The following MYH16 variants were observed in gnomAD, a reference collection of about 807,000 sequenced individuals.
MYH16 encodes the protein putative uncharacterized protein MYH16.
chr7:99,254,762 C>A (rs1035286641), intron 8 of MYH16, among the ~76,000 whole-genome samples: 1 of 152,240 alleles, frequency 6.6e-6, no homozygotes, highest in East Asian at 1.9e-4. Flanking sequence ...CATTCCCCAC[C>A]CACAGGTGGG....
chr7:99,243,773 TCATCCATCTATCCATTCATTCATCCATC>T (rs1456089352), intron 2 of MYH16, among the ~76,000 whole-genome samples: 1 of 150,354 alleles, frequency 6.7e-6, no homozygotes, highest in African/African-American at 2.5e-5. Context: ...ATCTATCCAT[TCATCCATCTATCCATTCATTCATCCATC>T]CATCCATCCA....
intron 33 of MYH16, among the ~76,000 whole-genome samples, 173 bp downstream of exon 14, chr7:99,294,323 C>T (rs192699461): frequency 1.3e-5 from 2 of 151,668 alleles, no homozygotes; most frequent in African/African-American, 2.4e-5. Context: ...TGCTTGAGCA[C>T]GTGTTCATGA....
rs1021598787 is a variant in MYH16 at position 99,246,937 on chromosome 7, T to G, written n.355-657T>G. On this transcript the variant is annotated intron_variant and non_coding_transcript_variant, in intron 2 of 41. Coordinates refer to ENST00000439784, the Ensembl canonical transcript of MYH16. ...CAAAAGCAATACACATTCAATGCAC[T>G]CCTCGATTTATGATCAAACCCATCG... 3.9e-5 allele frequency among the ~76,000 whole-genome samples: 6 copies of G among 152,122 alleles called. No individual in the cohort carries two copies. In the South Asian group the frequency reaches 1.2e-3, roughly 32 times the overall value.
intron 19 of MYH16, among the ~76,000 whole-genome samples, 82 bp from the exon 1 acceptor site, chr7:99,272,757 A>G (rs1477010640): frequency 6.6e-6 from 1 of 152,090 alleles, no homozygotes; most frequent in Non-Finnish European, 1.5e-5. Flanking sequence ...AAAAAAAAAA[A>G]AGGTAGGTCC....
chr7:99,309,002 C>T (rs1050550025), downstream of MYH16, among the ~76,000 whole-genome samples: 13 of 152,160 alleles, frequency 8.5e-5, no homozygotes, highest in African/African-American at 3.1e-4. Context: ...TTCTACCCTA[C>T]AAGGTAGGTA....
chr7:99,298,105 T>C (rs1792530427), intron 36 of MYH16, 110 bp downstream of exon 17: 2 of 391,452 alleles, frequency 5.1e-6, no homozygotes, highest in African/African-American at 2.1e-5. Flanking sequence ...GCAATTCAGG[T>C]GAACCTTGCT....
chr7:99,305,457 G>C (rs1194514094), intron 40 of MYH16: 2 of 152,196 alleles, frequency 1.3e-5, no homozygotes, highest in South Asian at 2.1e-4. Context: ...CCATCATTTT[G>C]TCTGACTCCC....
intron 36 of MYH16, among the ~76,000 whole-genome samples, chr7:99,298,969 G>A (rs188866657): frequency 4.8e-4 from 73 of 151,954 alleles, no homozygotes; most frequent in Middle Eastern, 3.4e-3. Flanking sequence ...GCTCACGCCT[G>A]TAATCCTAGC....
At chr7:99,247,330 G>A (rs963167955) in intron 2 of MYH16, among the ~76,000 whole-genome samples, 19 of 152,232 alleles carry the variant, frequency 1.2e-4, no homozygotes, top group East Asian at 1.9e-4. Flanking sequence ...GCACCACCAC[G>A]CCCAGCTAAT....
In MYH16 at chr7:99,280,621, C is replaced by T. The variant is rs749581249; in HGVS notation, n.2888-255C>T. The stretch of plus-strand genomic sequence containing the variant: ...GGATACAGTCAGGTGCAGACTCTGG[C>T]GAGTCTGGTGGAGCCCAAGGGTCTG... On this transcript the variant is annotated intron_variant and non_coding_transcript_variant, in intron 22 of 41. Transcript: ENST00000439784. 4.6e-5 allele frequency among the ~76,000 whole-genome samples: 7 copies of T among 152,176 alleles called. 1 individual carries two copies. The highest frequency in any genetic ancestry group is 1.3e-4 in the Admixed American group (2 of 15,274).
chr7:99,268,322 C>T (rs183665480), intron 18 of MYH16, among the ~76,000 whole-genome samples: 2 of 152,342 alleles, frequency 1.3e-5, no homozygotes, highest in Admixed American at 6.5e-5. Flanking sequence ...TCCCTACCCA[C>T]CCTTGACAGA....
At chr7:99,268,746 A>C (rs990119903) in intron 18 of MYH16, among the ~76,000 whole-genome samples, 1 of 152,150 alleles carries the variant, frequency 6.6e-6, no homozygotes, top group Non-Finnish European at 1.5e-5. Flanking sequence ...CCTCAACGCC[A>C]ATTAATTTTG....
intron 19 of MYH16, among the ~76,000 whole-genome samples, chr7:99,272,917 C>T (rs978980808): frequency 2.0e-5 from 3 of 152,174 alleles, no homozygotes; most frequent in Non-Finnish European, 4.4e-5. Flanking sequence ...CCTGATTCAG[C>T]CCAGGGCCTT....
At chr7:99,262,526 G>C (rs1275558858) in intron 13 of MYH16, among the ~76,000 whole-genome samples, 1 of 152,208 alleles carries the variant, frequency 6.6e-6, no homozygotes, top group South Asian at 2.1e-4. Flanking sequence ...AAGTCAAGTG[G>C]CACCTGTGCA....
chr7:99,309,899 G>A (rs772376671), downstream of MYH16, among the ~76,000 whole-genome samples: 22 of 152,124 alleles, frequency 1.4e-4, no homozygotes, highest in Non-Finnish European at 2.1e-4. Context: ...GCAGGTCCTT[G>A]TAATCCCAGC....
At chr7:99,275,524 T>C (rs1371799955) in intron 20 of MYH16, among the ~76,000 whole-genome samples, 1 of 152,230 alleles carries the variant, frequency 6.6e-6, no homozygotes, top group Non-Finnish European at 1.5e-5. Flanking sequence ...ATTTTTTAAA[T>C]TGCCTATTAA....
chr7:99,267,967 G>C (rs1792004515), intron 18 of MYH16, among the ~76,000 whole-genome samples: 1 of 152,160 alleles, frequency 6.6e-6, no homozygotes, highest in Non-Finnish European at 1.5e-5. Context: ...ACGCAGGCTT[G>C]GCATGGAAGC....
rs745470963 is a variant in MYH16 at position 99,274,669 on chromosome 7, C to CTTT, written n.2485+1266_2485+1268dup. On this transcript the variant is annotated intron_variant and non_coding_transcript_variant, in intron 20 of 41. Transcript: ENST00000439784. The stretch of plus-strand genomic sequence containing the variant: ...ACTCACCTTTCTTTACATTAATTCA[C>CTTT]TTTTTTTTTTTTTTTTTTTTTTGAG... Among the ~76,000 whole-genome samples, 81 of 117,554 alleles carry CTTT rather than the reference C, an allele frequency of 6.9e-4. 1 individual carries two copies. Among genetic ancestry groups the CTTT allele is most frequent in the African/African-American group, 1.9e-3 (48 of 25,484 alleles). 77.1% of individuals were successfully genotyped at this position (117,554 alleles called of 152,430 possible).
chr7:99,259,420 C>G (rs1791912686), intron 11 of MYH16, among the ~76,000 whole-genome samples: 1 of 152,078 alleles, frequency 6.6e-6, no homozygotes, highest in South Asian at 2.1e-4. Flanking sequence ...TTGAGACTAG[C>G]CTGGGCAACA....
Sources: gnomAD v4.1 joint callset for allele counts (sites outside exome capture counted in the v4.1 genomes callset) on GRCh38, gnomAD v4.1.1 for gene constraint, MANE v1.5 for transcripts, NCBI Gene and HGNC (gene_info 2026-07-23, HGNC 2026-07-21) for gene names.